Variants in FHIT observed in about 807,000 individuals in gnomAD.
FHIT encodes bis(5'-adenosyl)-triphosphatase.
Under a neutral mutation model 17.9 loss-of-function variants are expected in FHIT, and 19 were observed. That is an observed-to-expected ratio of 1.06 (90% CI 0.74 to 1.56). The LOEUF (loss-of-function observed/expected upper bound fraction) is 1.56, where lower values mean the gene tolerates loss of function less well. FHIT is among the 40% of genes most tolerant of loss of function. FHIT has a pLI of 0.00. For missense variants in FHIT, 248 were observed against 189.2 expected (o/e 1.31, Z -1.82); for synonymous variants, 81 against 69.7 (o/e 1.16, Z -0.81).
At chr3:60,727,799 A>G (rs923788817) in intron 4 of FHIT, among the ~76,000 whole-genome samples, 2 of 152,094 alleles carry the variant, frequency 1.3e-5, no homozygotes, top group African/African-American at 2.4e-5. Flanking sequence ...GTCAGGAGAT[A>G]GAGACCATCC....
intron 3 of FHIT, among the ~76,000 whole-genome samples, chr3:60,996,031 T>C (rs1176346922): frequency 6.7e-6 from 1 of 150,280 alleles, no homozygotes; most frequent in African/African-American, 2.5e-5. Context: ...TTGTGTAGAT[T>C]CTTTTGGTTT....
intron 1 of FHIT, among the ~76,000 whole-genome samples, chr3:61,203,036 T>C (rs9832404): frequency 0.43 from 65,626 of 151,692 alleles, 14,583 homozygotes; most frequent in East Asian, 0.58. Flanking sequence ...AAAAATTAGA[T>C]GGGTGTGGTA....
intron 5 of FHIT, among the ~76,000 whole-genome samples, chr3:60,325,494 A>G (rs1312075139): frequency 2.0e-5 from 3 of 152,186 alleles, no homozygotes; most frequent in African/African-American, 7.2e-5. Flanking sequence ...TAGAAATGTA[A>G]TTAATGAAAG....
intron 5 of FHIT, among the ~76,000 whole-genome samples, chr3:60,093,139 T>C (rs901936995): frequency 7.2e-5 from 11 of 152,162 alleles, no homozygotes; most frequent in Non-Finnish European, 1.2e-4. Flanking sequence ...CTTGCTCTTC[T>C]GGAAGTTGGG....
chr3:59,974,211 C>G (rs1392453582), intron 7 of FHIT, among the ~76,000 whole-genome samples: 2 of 152,110 alleles, frequency 1.3e-5, no homozygotes, highest in African/African-American at 2.4e-5. Flanking sequence ...CCCAAAATGA[C>G]AGATGATTTG....
intron 5 of FHIT, among the ~76,000 whole-genome samples, chr3:60,189,994 T>C (rs1269116997): frequency 1.3e-5 from 2 of 152,190 alleles, no homozygotes; most frequent in Non-Finnish European, 2.9e-5. Flanking sequence ...CCATCTGACC[T>C]GCATTTAGGC....
intron 5 of FHIT, among the ~76,000 whole-genome samples, chr3:60,364,134 G>A (rs1299827334): frequency 5.9e-5 from 9 of 152,082 alleles, no homozygotes; most frequent in Non-Finnish European, 1.2e-4. Context: ...TGTACCATCT[G>A]GTCCCTCTTG....
At chr3:60,357,234 G>C (rs923710058) in intron 5 of FHIT, among the ~76,000 whole-genome samples, 2 of 152,122 alleles carry the variant, frequency 1.3e-5, no homozygotes, top group Non-Finnish European at 2.9e-5. Flanking sequence ...CTGAGATGGA[G>C]TTTTTCTGTG....
chr3:60,452,177 G>A (rs532748441), intron 5 of FHIT, among the ~76,000 whole-genome samples: 2 of 152,134 alleles, frequency 1.3e-5, no homozygotes, highest in Admixed American at 1.3e-4. Flanking sequence ...TCAATTTACA[G>A]TGCAACTCTA....
chr3:61,247,549 G>A lies in FHIT; in HGVS notation c.-213+3752C>T, dbSNP rs541679852. On this transcript the variant is annotated intron_variant, in intron 1 of 9. Coordinates refer to ENST00000492590, the MANE Select transcript of FHIT (RefSeq NM_002012.4). ...CAGGGGCCTCTCAGCAGGCAGTACC[G>A]AGCCAAAAGCTTCACTGTCTCTCTG... Among the ~76,000 whole-genome samples, 14 of 152,296 alleles carry A rather than the reference G, an allele frequency of 9.2e-5. No individual in the cohort carries two copies. In the South Asian group the frequency reaches 1.9e-3, roughly 20 times the overall value.
chr3:60,503,230 G>C (rs1397494718), intron 5 of FHIT, among the ~76,000 whole-genome samples: 1 of 152,126 alleles, frequency 6.6e-6, no homozygotes, highest in African/African-American at 2.4e-5. Flanking sequence ...ATGCAAATTA[G>C]CATAATACAT....
intron 3 of FHIT, among the ~76,000 whole-genome samples, chr3:60,964,581 T>C (rs1381853330): frequency 7.9e-5 from 12 of 152,212 alleles, no homozygotes; most frequent in African/African-American, 2.9e-4. Context: ...TGGTTGTTCC[T>C]TTCCATGTTT....
At chr3:60,399,273 T>C (rs1162357830) in intron 5 of FHIT, among the ~76,000 whole-genome samples, 3 of 152,208 alleles carry the variant, frequency 2.0e-5, no homozygotes, top group Non-Finnish European at 2.9e-5. Context: ...TTGTCCTTCA[T>C]AGTTCTAAAA....
intron 5 of FHIT, among the ~76,000 whole-genome samples, chr3:60,307,781 G>A (rs1225584905): frequency 6.6e-6 from 1 of 152,166 alleles, no homozygotes; most frequent in Non-Finnish European, 1.5e-5. Context: ...CTACTATGAT[G>A]ATCCCTGGAG....
chr3:60,292,828 ATT>A (rs1214346629), intron 5 of FHIT, among the ~76,000 whole-genome samples: 29 of 149,738 alleles, frequency 1.9e-4, no homozygotes, highest in African/African-American at 2.5e-5. Context: ...TGAAATGTGT[ATT>A]TTTTTGTTTT....
intron 1 of FHIT, among the ~76,000 whole-genome samples, chr3:61,211,497 C>T (rs2106763571): frequency 6.6e-6 from 1 of 152,344 alleles, no homozygotes; most frequent in African/African-American, 2.4e-5. Context: ...AACAAAGCTG[C>T]CAGGAAGCAT....
rs1231447741 is a variant in FHIT at position 60,006,732 on chromosome 3, T to C, written c.279+4639A>G. ...AAGGTGCACAGTTAGGAAGTTAATA[T>C]GGCTAATATTCCTAACGGAACCTCT... On this transcript the variant is annotated intron_variant, in intron 7 of 9. Transcript: ENST00000492590. Among the ~76,000 whole-genome samples, 88 of 151,912 alleles carry C rather than the reference T, an allele frequency of 5.8e-4. 1 individual carries two copies. The highest frequency in any genetic ancestry group is 5.8e-3 in the Admixed American group (88 of 15,254).
At chr3:60,955,631 T>C (rs1289062740) in intron 3 of FHIT, among the ~76,000 whole-genome samples, 2,199 of 46,370 alleles carry the variant, frequency 0.047, 119 homozygotes, top group Middle Eastern at 0.23. Context: ...TATATATATA[T>C]ATACACACAC....
intron 5 of FHIT, among the ~76,000 whole-genome samples, chr3:60,260,379 G>A (rs1706229233): frequency 1.3e-5 from 2 of 151,122 alleles, no homozygotes; most frequent in South Asian, 4.2e-4. Flanking sequence ...AAAAAATAGT[G>A]TCAGGAGAAA....
Sources: allele counts gnomAD v4.1 joint callset (sites outside exome capture counted in the v4.1 genomes callset), GRCh38; gene constraint gnomAD v4.1.1; transcripts MANE v1.5; gene names NCBI Gene and HGNC (gene_info 2026-07-23, HGNC 2026-07-21).